Variants in SAMD12 observed in about 807,000 individuals in gnomAD.
SAMD12 encodes sterile alpha motif domain-containing protein 12.
SAMD12 carries 9 observed loss-of-function variants against 15.0 expected under a neutral mutation model. The observed-to-expected ratio is 0.60, with a 90% confidence interval of 0.36 to 1.05. The LOEUF is 1.05. Ranked by LOEUF, SAMD12 falls within the 50% of genes least tolerant of loss-of-function variation. The pLI, the probability that SAMD12 is intolerant of heterozygous loss-of-function variation, is 0.01. For synonymous variants in SAMD12, 86 were observed against 90.1 expected (o/e 0.96, Z 0.25); for missense variants, 230 against 234.2 (o/e 0.98, Z 0.12).
intron 4 of SAMD12, chr8:118,282,292 C>T (rs1404694118): frequency 6.6e-5 from 30 of 456,006 alleles, no homozygotes; most frequent in Non-Finnish European, 8.8e-5. Flanking sequence ...AGTGCAAGTG[C>T]CTTGTTTTCG....
chr8:118,339,289 C>T (rs943942410), intron 4 of SAMD12, among the ~76,000 whole-genome samples: 8 of 151,978 alleles, frequency 5.3e-5, no homozygotes, highest in Non-Finnish European at 1.5e-5. Flanking sequence ...CTGATTGTGC[C>T]ACTGCACTCC....
At chr8:118,244,772 G>C (rs943298529) in intron 4 of SAMD12, among the ~76,000 whole-genome samples, 2 of 152,032 alleles carry the variant, frequency 1.3e-5, no homozygotes, top group Admixed American at 1.3e-4. Context: ...ATTTTGTTTT[G>C]TGCCCAGAAG....
chr8:118,289,748 T>C (rs1814259558), intron 4 of SAMD12, among the ~76,000 whole-genome samples: 1 of 152,204 alleles, frequency 6.6e-6, no homozygotes. Context: ...GCATTCTCCC[T>C]AAAGTTCTGA....
chr8:118,136,443 A>C, the SAMD12 span, among the ~76,000 whole-genome samples: 2 of 152,196 alleles, frequency 1.3e-5, no homozygotes, highest in African/African-American at 4.8e-5. Context: ...AGAAGGCTTA[A>C]CTTTACCACC....
intron 4 of SAMD12, among the ~76,000 whole-genome samples, chr8:118,205,492 A>C (rs1254562356): frequency 6.6e-6 from 1 of 152,210 alleles, no homozygotes; most frequent in Admixed American, 6.5e-5. Flanking sequence ...CCAGACTTGG[A>C]GGGGTGAGTG....
At chr8:118,621,552 G>C in intron 1 of SAMD12, 1 of 535,424 alleles carries the variant, frequency 1.9e-6, no homozygotes, top group South Asian at 2.8e-5. Flanking sequence ...TTTCGCATCA[G>C]GGACACTCGT....
Position 118,394,538 on chromosome 8 carries a change from T to C in SAMD12, c.323-14838A>G, listed in dbSNP as rs543884094. Among the ~76,000 whole-genome samples the C allele has an allele frequency of 2.0e-5, 3 of 152,292 alleles. No individual in the cohort carries two copies. The South Asian group carries it at 6.2e-4, about 32-fold the overall frequency. Reference sequence around the variant, plus strand: ...TATTTGGGCAGTGTCAAAATAAATGTTGTTGAGAGAAAACCACATTAGAGA... The same window carrying C: ...TATTTGGGCAGTGTCAAAATAAATGCTGTTGAGAGAAAACCACATTAGAGA... On this transcript the variant is annotated intron_variant, in intron 3 of 3. Transcript: ENST00000314727.
At chr8:118,168,086 A>G in the SAMD12 span, among the ~76,000 whole-genome samples, 1 of 152,184 alleles carries the variant, frequency 6.6e-6, no homozygotes, top group South Asian at 2.1e-4. Context: ...TGATGAATTT[A>G]TCAGGGGTTT....
chr8:118,540,335 A>G (rs1825955881), intron 2 of SAMD12, among the ~76,000 whole-genome samples: 1 of 152,236 alleles, frequency 6.6e-6, no homozygotes, highest in African/African-American at 2.4e-5. Context: ...TAATTATAAT[A>G]AAGTGCTAAA....
intron 3 of SAMD12, among the ~76,000 whole-genome samples, chr8:118,425,957 G>T (rs1274174078): frequency 6.6e-6 from 1 of 152,034 alleles, no homozygotes; most frequent in African/African-American, 2.4e-5. Context: ...AACATTTTCC[G>T]GTGCCCCTGT....
chr8:118,578,065 A>C (rs1827195220), intron 2 of SAMD12, among the ~76,000 whole-genome samples: 1 of 152,158 alleles, frequency 6.6e-6, no homozygotes, highest in Non-Finnish European at 1.5e-5. Flanking sequence ...ACCCTCCTAG[A>C]CTCAGTGATG....
At chr8:118,208,798 A>G (rs1175425608) in intron 4 of SAMD12, among the ~76,000 whole-genome samples, 2 of 152,150 alleles carry the variant, frequency 1.3e-5, no homozygotes, top group Non-Finnish European at 2.9e-5. Context: ...GCAATTTAAT[A>G]AAAAAATAAA....
intron 4 of SAMD12, among the ~76,000 whole-genome samples, chr8:118,212,632 C>T (rs1254907942): frequency 2.0e-5 from 3 of 152,214 alleles, no homozygotes; most frequent in South Asian, 2.1e-4. Context: ...CAATGTCAAA[C>T]ATTTGCCTCA....
At chr8:118,230,101 G>T (rs1423062082) in intron 4 of SAMD12, among the ~76,000 whole-genome samples, 1 of 152,090 alleles carries the variant, frequency 6.6e-6, no homozygotes, top group Non-Finnish European at 1.5e-5. Context: ...AAGGAGGAGA[G>T]GGAGTAAAAG....
the SAMD12 span, among the ~76,000 whole-genome samples, chr8:118,138,898 A>G: frequency 1.9e-3 from 286 of 152,324 alleles, no homozygotes; most frequent in African/African-American, 5.6e-3. Flanking sequence ...TTTGATGAGC[A>G]TGTGCATCAG....
At chr8:118,353,118 C>T (rs896036200) in intron 4 of SAMD12, among the ~76,000 whole-genome samples, 2 of 151,378 alleles carry the variant, frequency 1.3e-5, no homozygotes, top group African/African-American at 4.9e-5. Flanking sequence ...TGTATATACA[C>T]TACTAAATAC....
chr8:118,584,566 C>CT (rs1387625671), intron 1 of SAMD12, among the ~76,000 whole-genome samples: 1 of 152,094 alleles, frequency 6.6e-6, no homozygotes, highest in African/African-American at 2.4e-5. Flanking sequence ...AGCTTGTGGT[C>CT]TTTATGGGAA....
chr8:118,460,900 A>G lies in SAMD12; in HGVS notation c.193-20939T>C, dbSNP rs540149707. Among the ~76,000 whole-genome samples the G allele has an allele frequency of 1.3e-3, 199 of 152,288 alleles. 1 individual carries two copies. Among genetic ancestry groups the G allele is most frequent in the African/African-American group, 4.4e-3 (184 of 41,554 alleles). On this transcript the variant is annotated intron_variant, in intron 2 of 3. Coordinates refer to ENST00000314727, the MANE Select transcript of SAMD12 (RefSeq NM_207506.3). ...TGGCAAAACTGACATGACGGCACCA[A>G]CTTACCTTCTCAGCTACATCACTCA...
At chr8:118,501,691 T>C (rs780540781) in intron 2 of SAMD12, among the ~76,000 whole-genome samples, 54 of 152,192 alleles carry the variant, frequency 3.5e-4, no homozygotes, top group Non-Finnish European at 5.9e-4. Context: ...CAAACTTTAA[T>C]ATGCATACAG....
Sources: gnomAD v4.1 joint callset for allele counts (sites outside exome capture counted in the v4.1 genomes callset) on GRCh38, gnomAD v4.1.1 for gene constraint, MANE v1.5 for transcripts, NCBI Gene and HGNC (gene_info 2026-07-23, HGNC 2026-07-21) for gene names.